ANGPTL4: variants seen among roughly 807,000 people sequenced by gnomAD.
ANGPTL4 encodes the protein angiopoietin like 4.
A neutral mutation model predicts 39.2 loss-of-function variants in ANGPTL4; 39 were observed. That is an observed-to-expected ratio of 1.00 (90% confidence interval 0.77 to 1.30). ANGPTL4 has a LOEUF of 1.30. ANGPTL4 is among the 50% of genes most tolerant of loss of function. The pLI is 0.00. For synonymous variants in ANGPTL4, 233 were observed against 229.5 expected, an observed-to-expected ratio of 1.02 and a Z score of -0.14; for missense variants, 545 against 549.8, an observed-to-expected ratio of 0.99 and a Z score of 0.09.
At chr19:8,370,411 C>T (rs1029779556) in intron 4 of ANGPTL4, among the ~76,000 whole-genome samples, 5 of 151,242 alleles carry the variant, frequency 3.3e-5, no homozygotes, top group African/African-American at 1.2e-4. Flanking sequence ...AACAAAACCT[C>T]GTTTCTAAAA....
chr19:8,369,446 C>A, intron 4 of ANGPTL4, 114 bp downstream of exon 4: 1 of 727,258 alleles, frequency 1.4e-6, no homozygotes, highest in Non-Finnish European at 2.2e-6. Flanking sequence ...CTATGTTGCC[C>A]AAGCTGGTCT....
chr19:8,364,879 AC>A (rs1438278522), intron 1 of ANGPTL4, among the ~76,000 whole-genome samples: 2 of 151,656 alleles, frequency 1.3e-5, no homozygotes, highest in African/African-American at 4.9e-5. Flanking sequence ...ACACACACAC[AC>A]ACACAAAATA....
Position 8,370,542 on chromosome 19 carries a change from A to G in ANGPTL4, c.662-514A>G, listed in dbSNP as rs147732674. On this transcript the variant is annotated intron_variant, in intron 4 of 6. Coordinates refer to ENST00000301455, the MANE Select transcript of ANGPTL4 (RefSeq NM_139314.3). ...AGCCTGGCCAACATGGTGAAACCCT[A>G]TCTCTACCAACATAAACATTAGCCG... is the stretch of plus-strand genomic sequence containing the variant. Among the ~76,000 whole-genome samples, 348 of 152,128 alleles carry G rather than the reference A, an allele frequency of 2.3e-3. 2 individuals carry two copies. The highest frequency in any genetic ancestry group is 7.9e-3 in the African/African-American group (326 of 41,518).
At chr19:8,370,700 TAAAAAAAAAAA>T (rs33922743) in intron 4 of ANGPTL4, among the ~76,000 whole-genome samples, 1 of 99,240 alleles carries the variant, frequency 1.0e-5, no homozygotes, top group Non-Finnish European at 2.0e-5. Context: ...ACTCCATCTC[TAAAAAAAAAAA>T]AAAAAAAAAA....
chr19:8,374,047 G>A lies in ANGPTL4; in HGVS notation c.*161G>A. ...ACGACTGGAGAAGCCCCCTTTCTGA[G>A]TGCAGGGGGGCTGCATGCGTTGCCT... is the stretch of plus-strand genomic sequence containing the variant. On this transcript the variant is annotated 3_prime_UTR_variant, in exon 7 of 7. Transcript: ENST00000301455. 1 of 740,154 alleles carries A rather than the reference G, an allele frequency of 1.4e-6. No homozygotes were observed. The highest frequency in any genetic ancestry group is 2.2e-6 in the Non-Finnish European group (1 of 450,620). The allele number at this position is 740,154 out of a possible 1,614,324, so 45.8% of individuals were successfully genotyped here.
Position 8,371,474 on chromosome 19 carries a change from C to G in ANGPTL4, c.991C>G (p.Gln331Glu), listed in dbSNP as rs146875081. 44 of 1,613,244 alleles carry G rather than the reference C, an allele frequency of 2.7e-5. No individual in the cohort carries two copies. The highest frequency in any genetic ancestry group is 5.3e-5 in the African/African-American group (4 of 75,060). ...CTCCGTACCCTTCTCCACTTGGGAC[C>G]AGGATCACGACCTCCGCAGGGACAA... ...GLSVPFSTWD[Q>E]DHDLRRDKNC... The change falls in exon 6 of 7, where the codon CAG (glutamine) becomes GAG (glutamate). Residue 331 changes from glutamine to glutamate, a missense_variant. By Grantham distance (29) the Gln-to-Glu change is conservative. Transcript: ENST00000301455. The surrounding 1 kb of genome is among the most constrained non-coding windows in gnomAD (Gnocchi z 5.1).
rs1027276378 is a variant in ANGPTL4, at chr19:8,371,779, G to C, written c.1039+257G>C. Among the ~76,000 whole-genome samples the C allele has an allele frequency of 6.6e-6, 1 of 152,008 alleles. No homozygotes were observed. Among genetic ancestry groups the C allele is most frequent in the South Asian group, 2.1e-4 (1 of 4,820 alleles). On this transcript the variant is annotated intron_variant, in intron 6 of 6. Coordinates refer to ENST00000301455, the MANE Select transcript of ANGPTL4 (RefSeq NM_139314.3). This position sits in a 1 kb window ranked among gnomAD's most constrained non-coding sequence, Gnocchi z 5.1. ...TATTTATGTATTTATTTTTTGAGACGGAGTCTCACTTTGTCACCCAGGCTG... is the reference window on the plus strand; with the variant it reads ...TATTTATGTATTTATTTTTTGAGACCGAGTCTCACTTTGTCACCCAGGCTG...
chr19:8,368,540 G>A (rs893365521), intron 3 of ANGPTL4, among the ~76,000 whole-genome samples: 5 of 152,136 alleles, frequency 3.3e-5, no homozygotes, highest in African/African-American at 1.2e-4. Flanking sequence ...CCTTCCAGAA[G>A]CTGGGACCCA....
chr19:8,374,027 T>G lies in ANGPTL4; in HGVS notation c.*141T>G. On this transcript the variant is annotated 3_prime_UTR_variant, in exon 7 of 7. Transcript: ENST00000301455. ...TGTGGACAGAGAAGAAGACCACGAC[T>G]GGAGAAGCCCCCTTTCTGAGTGCAG... is the stretch of plus-strand genomic sequence containing the variant. The G allele has an allele frequency of 1.1e-6, 1 of 884,420 alleles. No individual in the cohort carries two copies. Among genetic ancestry groups the G allele is most frequent in the Non-Finnish European group, 1.8e-6 (1 of 567,496 alleles). The allele number at this position is 884,420 out of a possible 1,614,324, so 54.8% of individuals were successfully genotyped here.
Position 8,369,352 on chromosome 19 carries a change from C to T in ANGPTL4, c.661+20C>T, listed in dbSNP as rs974775681. 1 of 1,581,968 alleles carries T rather than the reference C, an allele frequency of 6.3e-7. No individual in the cohort carries two copies. The highest frequency in any genetic ancestry group is 1.7e-5 in the Admixed American group (1 of 57,524). The stretch of plus-strand genomic sequence containing the variant: ...CCTCAGGTAGGGTGTGTTAGTCCAC[C>T]AGGGGCCCCTCTCCCCATAGGCCCT... On this transcript the variant is annotated intron_variant, in intron 4 of 6. Coordinates refer to ENST00000301455, the MANE Select transcript of ANGPTL4 (RefSeq NM_139314.3).
At chr19:8,369,876 TAGTG>T in intron 4 of ANGPTL4, among the ~76,000 whole-genome samples, 1 of 151,742 alleles carries the variant, frequency 6.6e-6, no homozygotes, top group South Asian at 2.1e-4. Flanking sequence ...CTGGACAACA[TAGTG>T]AGAGCTCATC....
Position 8,364,288 on chromosome 19 carries a change from TC to T in ANGPTL4, c.-30del. The T allele has an allele frequency of 6.6e-7, 1 of 1,526,556 alleles. No individual in the cohort carries two copies. 94.6% of individuals were successfully genotyped at this position (1,526,556 alleles called of 1,614,324 possible). ...CCTGGAACCCCAACGTCCCCGAGAG[TC>T]CCCGAATCCCCGCTCCCAGGCTACC... On this transcript the variant is annotated 5_prime_UTR_variant, in exon 1 of 7. Transcript: ENST00000301455.
chr19:8,370,198 G>A (rs370609928), intron 4 of ANGPTL4, among the ~76,000 whole-genome samples: 79 of 150,708 alleles, frequency 5.2e-4, no homozygotes, highest in Middle Eastern at 3.4e-3. Flanking sequence ...GCGAGACTCC[G>A]TCCCCCCATC....
At chr19:8,372,128 C>T (rs1476901981) in intron 6 of ANGPTL4, among the ~76,000 whole-genome samples, 1 of 152,014 alleles carries the variant, frequency 6.6e-6, no homozygotes, top group Non-Finnish European at 1.5e-5. Context: ...GTGATCTTGG[C>T]TCACTGCAGC....
At chr19:8,366,867 C>T (rs1035924301) in intron 3 of ANGPTL4, among the ~76,000 whole-genome samples, 5 of 151,826 alleles carry the variant, frequency 3.3e-5, no homozygotes, top group African/African-American at 4.8e-5. Flanking sequence ...TTGTTCTCCT[C>T]CTCCCTCCCC....
chr19:8,373,132 C>T (rs1316224011), intron 6 of ANGPTL4, among the ~76,000 whole-genome samples: 1 of 151,500 alleles, frequency 6.6e-6, no homozygotes, highest in African/African-American at 2.4e-5. Flanking sequence ...AGGCCAGGCG[C>T]AGTGGGTCAT....
Position 8,364,305 on chromosome 19 carries a change from C to T in ANGPTL4, c.-17C>T, listed in dbSNP as rs374923101. 1.0e-4 allele frequency: 155 copies of T among 1,536,220 alleles called. No homozygotes were observed. The African/African-American group carries it at 1.9e-3, about 19-fold the overall frequency. ...CCCGAGAGTCCCCGAATCCCCGCTC[C>T]CAGGCTACCTAAGAGGATGAGCGGT... On this transcript the variant is annotated 5_prime_UTR_variant, in exon 1 of 7. Transcript: ENST00000301455.
At position 8,371,800 on chromosome 19, in the gene ANGPTL4, G is replaced by T. The variant is rs189160695; in HGVS notation, c.1039+278G>T. ...AGACGGAGTCTCACTTTGTCACCCAGGCTGGAGTGCTTTGTGGCACGATCT... is the reference window on the plus strand; with the variant it reads ...AGACGGAGTCTCACTTTGTCACCCATGCTGGAGTGCTTTGTGGCACGATCT... On this transcript the variant is annotated intron_variant, in intron 6 of 6. Transcript: ENST00000301455. The surrounding 1 kb of genome is among the most constrained non-coding windows in gnomAD (Gnocchi z 5.1). Among the ~76,000 whole-genome samples the T allele has an allele frequency of 6.6e-6, 1 of 152,270 alleles. No homozygotes were observed. Among genetic ancestry groups the T allele is most frequent in the East Asian group, 1.9e-4 (1 of 5,186 alleles).
intron 3 of ANGPTL4, among the ~76,000 whole-genome samples, chr19:8,367,385 C>T (rs1268772244): frequency 6.6e-6 from 1 of 152,190 alleles, no homozygotes; most frequent in African/African-American, 2.4e-5. Flanking sequence ...ACTCTTGGCT[C>T]AGGCCCGCCA....
Sources: gnomAD v4.1 joint callset for allele counts (sites outside exome capture counted in the v4.1 genomes callset) on GRCh38, gnomAD v4.1.1 for gene constraint, Gnocchi (gnomAD v3.1) non-coding constraint, MANE v1.5 for transcripts, NCBI Gene and HGNC (gene_info 2026-07-23, HGNC 2026-07-21) for gene names.